ABCD3: variants seen among roughly 807,000 people sequenced by gnomAD.
ABCD3 encodes the protein ATP-binding cassette sub-family D member 3.
In ABCD3, 41 loss-of-function variants were observed where a neutral mutation model predicts 105.5. That is an observed-to-expected ratio of 0.39 (90% CI 0.30 to 0.50). The LOEUF is 0.50. Ranked by LOEUF, ABCD3 falls within the 20% of genes least tolerant of loss-of-function variation. The pLI, the probability that ABCD3 is intolerant of heterozygous loss-of-function variation, is 0.84. For synonymous variants in ABCD3, 258 were observed against 269.0 expected, an observed-to-expected ratio of 0.96 and a Z score of 0.40; for missense variants, 622 against 806.3, an observed-to-expected ratio of 0.77 and a Z score of 2.77.
intron 4 of ABCD3, among the ~76,000 whole-genome samples, chr1:94,468,785 CTTAGA>C (rs1451895701): frequency 6.6e-6 from 1 of 151,990 alleles, no homozygotes; most frequent in African/African-American, 2.4e-5. Flanking sequence ...GTTTTTTTCT[CTTAGA>C]TTATTGATCT....
the ABCD3 span, chr1:94,406,743 G>T: frequency 6.5e-6 from 1 of 154,860 alleles, no homozygotes; most frequent in Non-Finnish European, 1.4e-5. Context: ...TTTTCAACAA[G>T]TGCCCATCTC....
At chr1:94,424,268 G>T (rs1659381933) in intron 1 of ABCD3, among the ~76,000 whole-genome samples, 1 of 152,002 alleles carries the variant, frequency 6.6e-6, no homozygotes, top group African/African-American at 2.4e-5. Flanking sequence ...TCACATCCTT[G>T]GGTAGGCATT....
intron 1 of ABCD3, among the ~76,000 whole-genome samples, chr1:94,429,810 G>A (rs893288949): frequency 2.0e-5 from 3 of 152,230 alleles, no homozygotes; most frequent in Non-Finnish European, 4.4e-5. Flanking sequence ...GGAAATGTGA[G>A]GTTGGAGCCC....
chr1:94,500,000 A>T (rs1251166362), intron 20 of ABCD3, among the ~76,000 whole-genome samples: 1 of 152,116 alleles, frequency 6.6e-6, no homozygotes, highest in African/African-American at 2.4e-5. Flanking sequence ...ATTCTTTCTG[A>T]AATAGCTGAA....
At chr1:94,463,746 A>T (rs1328167366) in intron 2 of ABCD3, among the ~76,000 whole-genome samples, 1 of 152,206 alleles carries the variant, frequency 6.6e-6, no homozygotes, top group East Asian at 1.9e-4. Flanking sequence ...TGAAAATGAA[A>T]AAACTCTTGA....
intron 1 of ABCD3, among the ~76,000 whole-genome samples, chr1:94,441,988 T>G (rs1660149577): frequency 6.6e-6 from 1 of 152,138 alleles, no homozygotes; most frequent in Non-Finnish European, 1.5e-5. Flanking sequence ...ATTTTGATAA[T>G]TGTACTATAG....
chr1:94,443,689 A>G (rs1284205377), intron 1 of ABCD3, among the ~76,000 whole-genome samples: 1 of 152,188 alleles, frequency 6.6e-6, no homozygotes, highest in Non-Finnish European at 1.5e-5. Flanking sequence ...GTCCAGTTTC[A>G]TTCTACATGG....
intron 1 of ABCD3, among the ~76,000 whole-genome samples, chr1:94,439,890 C>A (rs1285017657): frequency 6.6e-6 from 1 of 152,150 alleles, no homozygotes; most frequent in African/African-American, 2.4e-5. Context: ...CAAACTCTCA[C>A]TGTGTTCCCC....
chr1:94,509,848 T>A (rs1022853698), intron 21 of ABCD3, among the ~76,000 whole-genome samples: 7 of 152,176 alleles, frequency 4.6e-5, no homozygotes, highest in Non-Finnish European at 7.3e-5. Flanking sequence ...CCCTTTATCA[T>A]TTTTTATTGT....
At chr1:94,491,898 G>A (rs1172780175) in intron 16 of ABCD3, among the ~76,000 whole-genome samples, 1 of 152,110 alleles carries the variant, frequency 6.6e-6, no homozygotes. Flanking sequence ...GAATGGTTCA[G>A]ATCCAGAAAT....
chr1:94,451,097 T>C (rs1647225806), intron 1 of ABCD3, among the ~76,000 whole-genome samples: 1 of 152,230 alleles, frequency 6.6e-6, no homozygotes, highest in African/African-American at 2.4e-5. Context: ...AGATCAATGT[T>C]ACTTTTTGGT....
At chr1:94,438,302 A>C (rs935510195) in intron 1 of ABCD3, among the ~76,000 whole-genome samples, 2 of 9,768 alleles carry the variant, frequency 2.0e-4, no homozygotes, top group Non-Finnish European at 1.9e-4. Context: ...ACACACACAT[A>C]CACACACACA....
chr1:94,433,185 G>A (rs1356889850), intron 1 of ABCD3, among the ~76,000 whole-genome samples: 1 of 129,836 alleles, frequency 7.7e-6, no homozygotes, highest in African/African-American at 3.0e-5. Context: ...ACATAGTTTC[G>A]CTCTTGTTGC....
chr1:94,472,844 G>A (rs1233559489), intron 4 of ABCD3, among the ~76,000 whole-genome samples: 2 of 152,036 alleles, frequency 1.3e-5, no homozygotes, highest in Admixed American at 6.6e-5. Context: ...TGAAATTTGG[G>A]AACATTATTA....
chr1:94,464,727 A>G, intron 2 of ABCD3, 48 bp from the exon 3 acceptor site: 2 of 1,456,668 alleles, frequency 1.4e-6, no homozygotes, highest in East Asian at 2.3e-5. Context: ...TAATTTTATG[A>G]TATGTTTGTT....
In ABCD3 at chr1:94,487,873, ATATT is replaced by A; in HGVS notation, c.1066-13_1066-10del. ...GTCATAGAACTATAAGTAAAAACTAATATTTATTTCTATTTAAGGATTACTACCA... is the reference window on the plus strand; with the variant it reads ...GTCATAGAACTATAAGTAAAAACTAATATTTCTATTTAAGGATTACTACCA... On this transcript the variant is annotated splice_polypyrimidine_tract_variant and intron_variant, in intron 12 of 22. Transcript: ENST00000370214. The A allele has an allele frequency of 6.2e-7, 1 of 1,608,544 alleles. No individual in the cohort carries two copies. The highest frequency in any genetic ancestry group is 8.5e-7 in the Non-Finnish European group (1 of 1,175,376).
chr1:94,483,854 G>A (rs1386901216), intron 10 of ABCD3, among the ~76,000 whole-genome samples: 2 of 152,048 alleles, frequency 1.3e-5, no homozygotes, highest in African/African-American at 4.8e-5. Flanking sequence ...GAGTGAACAG[G>A]CAACCTACAG....
At chr1:94,509,191 A>G (rs1650522218) in intron 21 of ABCD3, among the ~76,000 whole-genome samples, 2 of 152,332 alleles carry the variant, frequency 1.3e-5, no homozygotes, top group Middle Eastern at 3.4e-3. Flanking sequence ...AGTTTTTACC[A>G]TGAATGGTTG....
intron 21 of ABCD3, among the ~76,000 whole-genome samples, chr1:94,508,218 A>G (rs529378082): frequency 3.9e-5 from 6 of 152,350 alleles, no homozygotes; most frequent in African/African-American, 1.4e-4. Context: ...ATGGCTAGCC[A>G]GTTTTCCCAG....
Sources: allele counts gnomAD v4.1 joint callset (sites outside exome capture counted in the v4.1 genomes callset), GRCh38; gene constraint gnomAD v4.1.1; transcripts MANE v1.5; gene names NCBI Gene and HGNC (gene_info 2026-07-23, HGNC 2026-07-21).